The following CNTRL variants were observed in gnomAD, a reference collection of about 807,000 sequenced individuals.
The protein encoded by CNTRL is centriolin.
CNTRL carries 233 observed loss-of-function variants against 303.7 expected under a neutral mutation model. The ratio of observed to expected loss-of-function variants is 0.77; its 90% CI spans 0.69 to 0.86. CNTRL has a LOEUF of 0.86. Ranked by LOEUF, CNTRL falls within the 40% of genes least tolerant of loss-of-function variation. The probability of loss-of-function intolerance (pLI) is 0.00; values close to 1 mark genes in which losing one functional copy is unlikely to be tolerated. For synonymous variants in CNTRL, 900 were observed against 922.2 expected, an observed-to-expected ratio of 0.98 and a Z score of 0.44; for missense variants, 2,524 against 2,650.6, an observed-to-expected ratio of 0.95 and a Z score of 1.05.
intron 2 of CNTRL, among the ~76,000 whole-genome samples, chr9:121,083,638 C>G (rs1046146964): frequency 6.6e-6 from 1 of 152,188 alleles, no homozygotes; most frequent in Non-Finnish European, 1.5e-5. Context: ...GGAGTACACT[C>G]TAACAATGAA....
intron 8 of CNTRL, among the ~76,000 whole-genome samples, chr9:121,109,386 A>G (rs543687410): frequency 1.3e-5 from 2 of 152,302 alleles, no homozygotes; most frequent in Admixed American, 1.3e-4. Flanking sequence ...TTCACAAAAC[A>G]GCATACGTGG....
intron 4 of CNTRL, among the ~76,000 whole-genome samples, chr9:121,093,907 G>T (rs1360569533): frequency 1.3e-5 from 2 of 152,068 alleles, no homozygotes; most frequent in Non-Finnish European, 2.9e-5. Flanking sequence ...ACTTGAAAAA[G>T]AAGACATTGT....
intron 14 of CNTRL, among the ~76,000 whole-genome samples, chr9:121,130,440 G>A (rs10818511): frequency 0.35 from 53,526 of 152,094 alleles, 11,736 homozygotes; most frequent in South Asian, 0.62. Flanking sequence ...AGTATTCTCT[G>A]ATGGTAGTTT....
chr9:121,160,306 A>G lies in CNTRL; in HGVS notation c.5089+4A>G, dbSNP rs768991454. The G allele has an allele frequency of 1.4e-5, 20 of 1,480,300 alleles. 1 individual carries two copies. In the South Asian group the frequency reaches 3.0e-4, roughly 22 times the overall value. The allele number at this position is 1,480,300 out of a possible 1,614,324, so 91.7% of individuals were successfully genotyped here. A position where few individuals can be genotyped will look rare whatever the true frequency, so the allele number is the denominator to read the frequency against. ...CAGATGTCTAAACATAAAACCGGTA[A>G]GTTTAAAGGAAAACAATCATACAAA... On this transcript the variant is annotated splice_donor_region_variant and intron_variant, in intron 32 of 43. Transcript: ENST00000373855.
intron 36 of CNTRL, 105 bp from the exon 37 acceptor site, chr9:121,167,384 T>C: frequency 2.3e-6 from 2 of 854,080 alleles, no homozygotes; most frequent in Non-Finnish European, 3.6e-6. Flanking sequence ...GAAATAAACT[T>C]TTATGCCTCT....
intron 2 of CNTRL, among the ~76,000 whole-genome samples, chr9:121,084,583 C>T (rs1303268317): frequency 6.8e-6 from 1 of 146,886 alleles, no homozygotes; most frequent in Admixed American, 6.9e-5. Context: ...CTCGCTTTGT[C>T]ACCCAGGCTG....
chr9:121,116,825 G>C (rs979334464), intron 11 of CNTRL, among the ~76,000 whole-genome samples: 4 of 152,164 alleles, frequency 2.6e-5, no homozygotes, highest in Admixed American at 2.0e-4. Context: ...TGGATGTGGA[G>C]AGAAAGCCAG....
rs374166343 is a variant in CNTRL at position 121,095,801 on chromosome 9, T to C, written c.480-621T>C. ...CTTAGAAATATTTACCCAGTGTAGATAGAGGCTTTGAAGTATTTGTGCAGT... is the reference window on the plus strand; with the variant it reads ...CTTAGAAATATTTACCCAGTGTAGACAGAGGCTTTGAAGTATTTGTGCAGT... On this transcript the variant is annotated intron_variant, in intron 5 of 43. Coordinates refer to ENST00000373855, the MANE Select transcript of CNTRL (RefSeq NM_007018.6). 4.3e-4 allele frequency among the ~76,000 whole-genome samples: 65 copies of C among 152,154 alleles called. 1 individual carries two copies. The highest frequency in any genetic ancestry group is 1.5e-3 in the African/African-American group (61 of 41,498).
chr9:121,142,721 C>T (rs1054231334), intron 19 of CNTRL, among the ~76,000 whole-genome samples: 2 of 152,186 alleles, frequency 1.3e-5, no homozygotes, highest in African/African-American at 4.8e-5. Context: ...TTGCACCCAC[C>T]TCTGAAATCA....
chr9:121,162,016 T>C, intron 33 of CNTRL, 38 bp from the exon 34 acceptor site: 2 of 1,613,312 alleles, frequency 1.2e-6, no homozygotes, highest in South Asian at 2.2e-5. Context: ...GAAGTCTTTC[T>C]CATTTAAGAT....
Position 121,144,040 on chromosome 9 carries a change from C to T in CNTRL, c.3009C>T (p.Ser1003=), listed in dbSNP as rs567546826. The T allele has an allele frequency of 6.2e-7, 1 of 1,613,722 alleles. No homozygotes were observed. The highest frequency in any genetic ancestry group is 1.1e-5 in the South Asian group (1 of 91,046). The change falls in exon 20 of 44, where the codon TCC becomes TCT. Residue 1003 remains serine (S), a synonymous_variant. Transcript: ENST00000373855. ...CCATTGCCAAAGACCAGCTGAAGTC[C>T]CTTCATGGAACTGTTATGAAAATTA... The part of the protein sequence containing the change: ...ELTIAKDQLK[S]LHGTVMKINQ...
rs753859386 is a variant in CNTRL at position 121,144,839 on chromosome 9, G to C, written c.3052-4G>C. ...GTGCCTTTCTCATACTTCTGTCCCAGTAGGAGTTGCAGGAAGCAGAGAGGT... is the reference window on the plus strand; with the variant it reads ...GTGCCTTTCTCATACTTCTGTCCCACTAGGAGTTGCAGGAAGCAGAGAGGT... On this transcript the variant is annotated splice_region_variant and splice_polypyrimidine_tract_variant and intron_variant, in intron 20 of 43. Transcript: ENST00000373855. 2.5e-6 allele frequency: 4 copies of C among 1,610,574 alleles called. No individual in the cohort carries two copies. The highest frequency in any genetic ancestry group is 3.4e-6 in the Non-Finnish European group (4 of 1,177,672).
chr9:121,173,979 A>T (rs968852922), intron 42 of CNTRL, among the ~76,000 whole-genome samples: 1 of 152,176 alleles, frequency 6.6e-6, no homozygotes, highest in African/African-American at 2.4e-5. Flanking sequence ...ATGCTGCTTT[A>T]CCTCAGCTAG....
At chr9:121,161,280 C>A in intron 32 of CNTRL, 1 of 444,174 alleles carries the variant, frequency 2.3e-6, no homozygotes. Context: ...TTGTATTTTC[C>A]AGCTTTTCTA....
chr9:121,085,880 A>G (rs71509553), intron 2 of CNTRL, among the ~76,000 whole-genome samples: 2,421 of 152,292 alleles, frequency 0.016, 28 homozygotes, highest in Middle Eastern at 0.024. Flanking sequence ...TCCTGTTTGT[A>G]GTGCATGGTG....
At position 121,096,861 on chromosome 9, in the gene CNTRL, A is replaced by G. The variant is rs550168609; in HGVS notation, c.621+298A>G. Among the ~76,000 whole-genome samples, 4 of 152,210 alleles carry G rather than the reference A, an allele frequency of 2.6e-5. No individual in the cohort carries two copies. In the South Asian group the frequency reaches 6.2e-4, roughly 24 times the overall value. On this transcript the variant is annotated intron_variant, in intron 6 of 43. Coordinates refer to ENST00000373855, the MANE Select transcript of CNTRL (RefSeq NM_007018.6). ...GTACAAGGATTATTTTTGTAACACT[A>G]TGAGTTAGGTAGTAGCAAGTAAGGT...
chr9:121,077,772 C>G (rs1188055048), intron 1 of CNTRL, among the ~76,000 whole-genome samples: 1 of 122,480 alleles, frequency 8.2e-6, no homozygotes, highest in East Asian at 2.8e-4. Flanking sequence ...TAGTGAGACC[C>G]CCCATCTCTA....
chr9:121,145,346 A>G lies in CNTRL; in HGVS notation c.3271A>G (p.Ile1091Val). The G allele has an allele frequency of 1.9e-6, 3 of 1,613,990 alleles. No individual in the cohort carries two copies. Among genetic ancestry groups the G allele is most frequent in the Non-Finnish European group, 2.5e-6 (3 of 1,179,938 alleles). Reference protein sequence around the residue: ...NETMERQRTEIARLQNVLDLT... With the variant: ...NETMERQRTEVARLQNVLDLT... ...GACAATGGAACGACAAAGGACAGAG[A>G]TTGCAAGGCTGCAGAATGTACTAGA... is the stretch of plus-strand genomic sequence containing the variant. The change falls in exon 22 of 44, where the codon ATT (isoleucine) becomes GTT (valine). Residue 1091 changes from isoleucine to valine, a missense_variant. By Grantham distance (29) the Ile-to-Val change is conservative. Transcript: ENST00000373855.
rs1329673133 is a variant in CNTRL at position 121,126,085 on chromosome 9, T to C, written c.2025+149T>C. On this transcript the variant is annotated intron_variant, in intron 14 of 43. Coordinates refer to ENST00000373855, the MANE Select transcript of CNTRL (RefSeq NM_007018.6). ...TTTTTTCTTTTAACAGTTGGGCTTT[T>C]TTTTTTCTTCTTTAGCTGTGATACA... is the stretch of plus-strand genomic sequence containing the variant. The C allele has an allele frequency of 6.5e-6, 4 of 619,458 alleles. No individual in the cohort carries two copies. In the African/African-American group the frequency reaches 7.4e-5, roughly 11 times the overall value. The allele number at this position is 619,458 out of a possible 1,614,324, so 38.4% of individuals were successfully genotyped here. A position where few individuals can be genotyped will look rare whatever the true frequency, so the allele number is the denominator to read the frequency against.
Sources: gnomAD v4.1 joint callset for allele counts (sites outside exome capture counted in the v4.1 genomes callset) on GRCh38, gnomAD v4.1.1 for gene constraint, MANE v1.5 for transcripts, NCBI Gene and HGNC (gene_info 2026-07-23, HGNC 2026-07-21) for gene names.